The following ACMSD variants were observed in gnomAD, a reference collection of about 807,000 sequenced individuals.
ACMSD encodes aminocarboxymuconate semialdehyde decarboxylase.
Under a neutral mutation model 45.9 loss-of-function variants are expected in ACMSD, and 37 were observed. The ratio of observed to expected loss-of-function variants is 0.81; its 90% CI spans 0.62 to 1.06. ACMSD has a LOEUF of 1.06. Ranked by LOEUF, ACMSD falls within the 50% of genes least tolerant of loss-of-function variation. ACMSD has a pLI of 0.00. For missense variants in ACMSD, 434 were observed against 420.9 expected, an observed-to-expected ratio of 1.03 and a Z score of -0.27; for synonymous variants, 138 against 148.8, an observed-to-expected ratio of 0.93 and a Z score of 0.53.
At chr2:134,881,423 A>C (rs1289385474) in intron 8 of ACMSD, among the ~76,000 whole-genome samples, 1 of 152,226 alleles carries the variant, frequency 6.6e-6, no homozygotes, top group African/African-American at 2.4e-5. Context: ...TTACAACAAT[A>C]AGCAGAGATA....
At chr2:134,900,186 C>T (rs1338621050) in intron 9 of ACMSD, among the ~76,000 whole-genome samples, 1 of 152,032 alleles carries the variant, frequency 6.6e-6, no homozygotes, top group Non-Finnish European at 1.5e-5. Flanking sequence ...TTTCTCTTAC[C>T]CCAGTCAACC....
chr2:134,855,907 G>T (rs1443643061), intron 2 of ACMSD, among the ~76,000 whole-genome samples: 1 of 152,136 alleles, frequency 6.6e-6, no homozygotes, highest in Non-Finnish European at 1.5e-5. Context: ...GAGGAGGAGA[G>T]CAGAGGACTC....
Position 134,853,740 on chromosome 2 carries a change from C to T in ACMSD, c.103-5521C>T, listed in dbSNP as rs141476275. Among the ~76,000 whole-genome samples the T allele has an allele frequency of 2.5e-3, 377 of 152,042 alleles. 1 individual carries two copies. The highest frequency in any genetic ancestry group is 8.3e-3 in the African/African-American group (346 of 41,510). On this transcript the variant is annotated intron_variant, in intron 2 of 9. Coordinates refer to ENST00000356140, the MANE Select transcript of ACMSD (RefSeq NM_138326.3). Reference sequence around the variant, plus strand: ...CAATGAGAACTGGGGGCTTATTATACGGGCACAGCTGCTCTGCAGTGATTT... The same window carrying T: ...CAATGAGAACTGGGGGCTTATTATATGGGCACAGCTGCTCTGCAGTGATTT...
chr2:134,881,860 G>C (rs7606041), intron 8 of ACMSD, among the ~76,000 whole-genome samples: 8,793 of 152,140 alleles, frequency 0.058, 392 homozygotes, highest in African/African-American at 0.13. Context: ...GATTACGCCT[G>C]TAATCCCAGC....
rs1213282624 is a variant in ACMSD at position 134,877,749 on chromosome 2, G to A, written c.849+5108G>A. 2.6e-5 allele frequency: 4 copies of A among 152,132 alleles called. No homozygotes were observed. The East Asian group carries it at 5.8e-4, about 22-fold the overall frequency. The allele number at this position is 152,132 out of a possible 1,614,324, so 9.4% of individuals were successfully genotyped here. On this transcript the variant is annotated intron_variant, in intron 8 of 9. Coordinates refer to ENST00000356140, the MANE Select transcript of ACMSD (RefSeq NM_138326.3). ...AGAGAGAGATTGAACACACACCAGA[G>A]AGAAGCTATCCTTTTTATGACCTAG...
At chr2:134,888,219 A>G (rs1689568786) in intron 8 of ACMSD, among the ~76,000 whole-genome samples, 1 of 152,322 alleles carries the variant, frequency 6.6e-6, no homozygotes, top group East Asian at 1.9e-4. Flanking sequence ...AAAGGCTTAA[A>G]TGGCCACTCC....
chr2:134,872,791 G>A, intron 8 of ACMSD, 150 bp downstream of exon 8: 2 of 871,794 alleles, frequency 2.3e-6, no homozygotes, highest in Admixed American at 2.4e-5. Flanking sequence ...GATTAGGTTT[G>A]CTCACACAGG....
intron 8 of ACMSD, among the ~76,000 whole-genome samples, chr2:134,881,842 A>G (rs1427848860): frequency 2.0e-5 from 3 of 151,920 alleles, no homozygotes; most frequent in Non-Finnish European, 2.9e-5. Flanking sequence ...ACAAAAAAAA[A>G]TTAGCTGGAT....
intron 8 of ACMSD, among the ~76,000 whole-genome samples, chr2:134,893,129 C>G (rs73962636): frequency 1.9e-3 from 289 of 152,184 alleles, no homozygotes; most frequent in African/African-American, 6.7e-3. Flanking sequence ...AGACACTATC[C>G]AGTCCTTATC....
At chr2:134,897,049 T>C (rs1317062324) in intron 8 of ACMSD, among the ~76,000 whole-genome samples, 5 of 152,092 alleles carry the variant, frequency 3.3e-5, no homozygotes. Context: ...TTAAACATTC[T>C]ATAATTAGTG....
rs571494651 is a variant in ACMSD at position 134,901,612 on chromosome 2, A to C, written c.949-186A>C. 1.9e-4 allele frequency among the ~76,000 whole-genome samples: 29 copies of C among 152,266 alleles called. No homozygotes were observed. The South Asian group carries it at 6.0e-3, about 32-fold the overall frequency. ...CTCTCCCCCTACAATCAAGTTTCAG[A>C]TTTAGATTTCAAACAGCGGGGCAAA... On this transcript the variant is annotated intron_variant, in intron 9 of 9. Transcript: ENST00000356140.
intron 5 of ACMSD, 123 bp from the exon 6 acceptor site, chr2:134,867,456 C>T (rs1052224941): frequency 6.3e-6 from 4 of 636,034 alleles, no homozygotes; most frequent in Non-Finnish European, 5.5e-6. Context: ...ACTTAAAAAG[C>T]ATTTTAGTTT....
chr2:134,862,665 G>A (rs1231125925), intron 4 of ACMSD, among the ~76,000 whole-genome samples: 1 of 152,190 alleles, frequency 6.6e-6, no homozygotes, highest in African/African-American at 2.4e-5. Flanking sequence ...ATTAGTGAGT[G>A]ACTCAGTCTT....
At chr2:134,870,349 T>C (rs777950639) in intron 6 of ACMSD, among the ~76,000 whole-genome samples, 3 of 152,222 alleles carry the variant, frequency 2.0e-5, no homozygotes, top group Non-Finnish European at 4.4e-5. Context: ...ACCATAATGA[T>C]AGTTAATATT....
At chr2:134,890,629 CT>C (rs957973677) in intron 8 of ACMSD, among the ~76,000 whole-genome samples, 2 of 151,914 alleles carry the variant, frequency 1.3e-5, no homozygotes, top group African/African-American at 2.4e-5. Context: ...AAAAGTATCC[CT>C]TTTTTTAGGA....
intron 2 of ACMSD, among the ~76,000 whole-genome samples, chr2:134,856,836 A>G (rs1476375772): frequency 6.6e-6 from 1 of 151,728 alleles, no homozygotes; most frequent in Non-Finnish European, 1.5e-5. Flanking sequence ...TAGTTCCTCC[A>G]GCTTTGTTCT....
intron 2 of ACMSD, among the ~76,000 whole-genome samples, chr2:134,856,159 T>C (rs1687571558): frequency 6.6e-6 from 1 of 152,254 alleles, no homozygotes; most frequent in Non-Finnish European, 1.5e-5. Flanking sequence ...ATGATCCCTT[T>C]AATGTAAGTC....
intron 9 of ACMSD, among the ~76,000 whole-genome samples, chr2:134,901,422 T>C (rs1221848552): frequency 6.6e-6 from 1 of 152,182 alleles, no homozygotes; most frequent in Non-Finnish European, 1.5e-5. Context: ...GGGGGATGGC[T>C]AGATGACTTT....
chr2:134,866,297 A>C (rs183336093), intron 5 of ACMSD, among the ~76,000 whole-genome samples: 1 of 152,256 alleles, frequency 6.6e-6, no homozygotes, highest in East Asian at 1.9e-4. Context: ...AAAAAGGAAA[A>C]ATTTTAAAAA....
Sources: gnomAD v4.1 joint callset for allele counts (sites outside exome capture counted in the v4.1 genomes callset) on GRCh38, gnomAD v4.1.1 for gene constraint, MANE v1.5 for transcripts, NCBI Gene and HGNC (gene_info 2026-07-23, HGNC 2026-07-21) for gene names.